The following PCDHA4 variants were observed in gnomAD, a reference collection of about 807,000 sequenced individuals.
The protein encoded by PCDHA4 is protocadherin alpha-4.
A neutral mutation model predicts 61.4 loss-of-function variants in PCDHA4; 49 were observed. That is an observed-to-expected ratio of 0.80 (90% CI 0.63 to 1.01). PCDHA4 has a LOEUF of 1.01. Ranked by LOEUF, PCDHA4 falls within the 50% of genes least tolerant of loss-of-function variation. The probability of loss-of-function intolerance (pLI) is 0.00; values close to 1 mark genes in which losing one functional copy is unlikely to be tolerated. For synonymous variants in PCDHA4, 590 were observed against 550.3 expected, an observed-to-expected ratio of 1.07 and a Z score of -1.01; for missense variants, 1,254 against 1,235.8, an observed-to-expected ratio of 1.01 and a Z score of -0.22.
intron 1 of PCDHA4, chr5:140,843,260 C>T: frequency 6.3e-7 from 1 of 1,596,130 alleles, no homozygotes; most frequent in Non-Finnish European, 8.6e-7. Flanking sequence ...GCGCCACCGT[C>T]TGCTGGTCCT....
intron 1 of PCDHA4, chr5:140,834,241 G>A: frequency 1.2e-6 from 1 of 811,066 alleles, no homozygotes; most frequent in East Asian, 2.6e-5. Context: ...ATTCCTTTTC[G>A]CACTGGAAAG....
chr5:140,941,214 C>CTTTCT (rs1554214039), intron 1 of PCDHA4, among the ~76,000 whole-genome samples: 174 of 122,492 alleles, frequency 1.4e-3, no homozygotes, highest in African/African-American at 5.3e-3. Flanking sequence ...TTTCTTTCTT[C>CTTTCT]CTTTCTTTCT....
chr5:140,983,270 GGGT>G (rs1349296894), intron 3 of PCDHA4, among the ~76,000 whole-genome samples: 4 of 152,152 alleles, frequency 2.6e-5, no homozygotes, highest in Non-Finnish European at 2.9e-5. Flanking sequence ...CCTAATGGCT[GGGT>G]GAGTATAGGA....
rs782442126 is a variant in PCDHA4 at position 140,807,611 on chromosome 5, A to T, written c.424A>T (p.Ile142Phe). Residue 142 changes from isoleucine (I) to phenylalanine (F), a missense_variant, in exon 1 of 4, where the codon ATC (isoleucine) becomes TTC (phenylalanine). By Grantham distance (21) the Ile-to-Phe change is conservative. Transcript: ENST00000530339. The stretch of plus-strand genomic sequence containing the variant: ...CCCAGCAACACAAAAGAACCTGTCC[A>T]TCGCGGAATCCAGGCCGCTTGACTC... ...VFPATQKNLS[I>F]AESRPLDSRF... 1.2e-6 allele frequency: 2 copies of T among 1,614,226 alleles called. No homozygotes were observed. The highest frequency in any genetic ancestry group is 2.2e-5 in the South Asian group (2 of 91,084).
chr5:140,821,713 T>C, intron 1 of PCDHA4: 1 of 1,478,600 alleles, frequency 6.8e-7, no homozygotes. Flanking sequence ...AATTGGGAAT[T>C]GAATTTACAA....
Position 140,808,955 on chromosome 5 carries a change from G to T in PCDHA4, c.1768G>T (p.Val590Leu), listed in dbSNP as rs1369862214. 1.9e-6 allele frequency: 3 copies of T among 1,613,470 alleles called. No homozygotes were observed. Among genetic ancestry groups the T allele is most frequent in the Admixed American group, 1.7e-5 (1 of 59,964 alleles). ...GCCATGGTCGGTGGGTGTGGGCCAC[G>T]TGGTGGCAAAGGTGCGCGCGGTGGA... ...LVPWSVGVGH[V>L]VAKVRAVDAD... is the part of the protein sequence containing the mutation. The change falls in exon 1 of 4, where the codon GTG (valine) becomes TTG (leucine). Residue 590 changes from valine to leucine, a missense_variant. Physicochemically the swap from Val to Leu is conservative, Grantham distance 32. Coordinates refer to ENST00000530339, the MANE Select transcript of PCDHA4 (RefSeq NM_018907.4).
At chr5:140,929,057 C>T (rs17844370) in intron 1 of PCDHA4, 1 of 1,614,070 alleles carries the variant, frequency 6.2e-7, no homozygotes, top group Non-Finnish European at 8.5e-7. Flanking sequence ...TGTCGCTCTA[C>T]AGAGGATCTG....
At chr5:140,997,510 C>T (rs536611731) in intron 3 of PCDHA4, among the ~76,000 whole-genome samples, 60 of 152,102 alleles carry the variant, frequency 3.9e-4, no homozygotes, top group Non-Finnish European at 6.9e-4. Context: ...CATACCTAAA[C>T]GCAGAAAAAG....
chr5:140,969,424 G>A (rs1554231783), intron 1 of PCDHA4: 1 of 1,558,342 alleles, frequency 6.4e-7, no homozygotes, highest in South Asian at 1.2e-5. Context: ...GTCATTAACA[G>A]TGACAAGAGT....
intron 1 of PCDHA4, chr5:140,835,068 C>T: frequency 8.3e-7 from 1 of 1,210,660 alleles, no homozygotes; most frequent in Non-Finnish European, 1.1e-6. Flanking sequence ...CGTTCAATTA[C>T]TCATCACGGT....
At chr5:140,869,722 G>C in intron 1 of PCDHA4, 6 of 1,613,324 alleles carry the variant, frequency 3.7e-6, no homozygotes, top group Non-Finnish European at 5.1e-6. Context: ...GAAAACTCCG[G>C]AACTTAATTT....
At chr5:140,942,731 T>C (rs1404765148) in intron 1 of PCDHA4, among the ~76,000 whole-genome samples, 4 of 152,052 alleles carry the variant, frequency 2.6e-5, no homozygotes, top group Non-Finnish European at 5.9e-5. Flanking sequence ...TGTTGAAAAA[T>C]ATTTTAAAAT....
intron 1 of PCDHA4, chr5:140,884,510 T>C: frequency 3.1e-6 from 5 of 1,613,982 alleles, no homozygotes; most frequent in Non-Finnish European, 3.4e-6. Context: ...GGCAGGGAGT[T>C]GGTCGTACTC....
At chr5:140,987,585 A>G (rs575330361) in intron 3 of PCDHA4, among the ~76,000 whole-genome samples, 2 of 152,236 alleles carry the variant, frequency 1.3e-5, no homozygotes, top group East Asian at 3.8e-4. Flanking sequence ...AAATGGGGAG[A>G]ATAGTGGTGT....
At chr5:140,922,385 C>A (rs1267053151) in intron 1 of PCDHA4, among the ~76,000 whole-genome samples, 5 of 152,156 alleles carry the variant, frequency 3.3e-5, no homozygotes, top group Non-Finnish European at 7.4e-5. Context: ...AAACCAAAGA[C>A]TCCTTGTTTT....
chr5:140,870,879 G>A (rs1554164779), intron 1 of PCDHA4: 1 of 1,613,952 alleles, frequency 6.2e-7, no homozygotes, highest in East Asian at 2.2e-5. Flanking sequence ...TGGTGGCGAA[G>A]GTGCGCGCAG....
chr5:140,877,789 A>C, intron 1 of PCDHA4: 1 of 1,614,072 alleles, frequency 6.2e-7, no homozygotes, highest in Non-Finnish European at 8.5e-7. Flanking sequence ...CATGGCCTTC[A>C]GCCCAAGCCT....
At chr5:140,858,255 C>G in intron 1 of PCDHA4, 10 of 1,596,962 alleles carry the variant, frequency 6.3e-6, no homozygotes, top group Middle Eastern at 1.7e-4. Flanking sequence ...GTGAAGCCCA[C>G]GCTGGTGTGC....
chr5:140,859,774 G>C (rs1214476805), intron 1 of PCDHA4: 1 of 152,534 alleles, frequency 6.6e-6, no homozygotes, highest in Non-Finnish European at 1.5e-5. Flanking sequence ...TCCATGCCCT[G>C]TCTCCAGCTC....
Sources: allele counts gnomAD v4.1 joint callset (sites outside exome capture counted in the v4.1 genomes callset), GRCh38; gene constraint gnomAD v4.1.1; transcripts MANE v1.5; gene names NCBI Gene and HGNC (gene_info 2026-07-23, HGNC 2026-07-21).